Variants in HERC1 observed in about 807,000 individuals in gnomAD.
HERC1 encodes the protein probable E3 ubiquitin-protein ligase HERC1.
HERC1 carries 160 observed loss-of-function variants against 554.3 expected under a neutral mutation model. The ratio of observed to expected loss-of-function variants is 0.29; its 90% CI spans 0.25 to 0.33. The LOEUF (loss-of-function observed/expected upper bound fraction) is 0.33. Among genes scored for constraint, HERC1 ranks in the 10% least tolerant of loss-of-function variants. HERC1 has a pLI of 1.00. For missense variants in HERC1, 4,919 were observed against 5,918.5 expected, an observed-to-expected ratio of 0.83 and a Z score of 5.54; for synonymous variants, 2,175 against 2,131.7, an observed-to-expected ratio of 1.02 and a Z score of -0.56.
rs747921467 is a variant in HERC1 at position 63,756,617 on chromosome 15, G to A, written c.1353C>T (p.Phe451=). ...NNQSTLKKLT[F]EPHRSIKKVS... The stretch of plus-strand genomic sequence containing the variant: ...CCTTTTTAATGGATCTGTGAGGCTC[G>A]AATGTTAACTTTTTTAAAGTTGACT... Residue 451 remains phenylalanine, a synonymous_variant, in exon 5 of 78, where the codon TTC becomes TTT. Transcript: ENST00000443617. This position sits in a 1 kb window ranked among gnomAD's most constrained non-coding sequence, Gnocchi z 5.0. 8.1e-6 allele frequency: 13 copies of A among 1,613,672 alleles called. No individual in the cohort carries two copies. Among genetic ancestry groups the A allele is most frequent in the South Asian group, 5.5e-5 (5 of 91,048 alleles).
In HERC1 at chr15:63,775,251, C is replaced by T; in HGVS notation, c.373G>A (p.Gly125Ser). ...YALSNKYHDKGKVKQQQHSPE... is the reference protein window; with the variant it reads ...YALSNKYHDKSKVKQQQHSPE... ...GAATGCTGCTGCTGCTTCACCTTGC[C>T]TTTGTCATGGTATTTATTAGAAAGT... The change falls in exon 2 of 78, where the codon GGC becomes AGC. Residue 125 changes from glycine (G) to serine (S), a missense_variant. Physicochemically the swap from Gly to Ser is moderately conservative, Grantham distance 56 (BLOSUM62 0). Coordinates refer to ENST00000443617, the MANE Select transcript of HERC1 (RefSeq NM_003922.4). This position sits in a 1 kb window ranked among gnomAD's most constrained non-coding sequence, Gnocchi z 4.0. The T allele has an allele frequency of 6.2e-7, 1 of 1,614,008 alleles. No individual in the cohort carries two copies. The highest frequency in any genetic ancestry group is 8.5e-7 in the Non-Finnish European group (1 of 1,179,896).
At chr15:63,624,014 T>A in intron 72 of HERC1, 124 bp from the exon 73 acceptor site, 2 of 1,253,472 alleles carry the variant, frequency 1.6e-6, no homozygotes, top group Non-Finnish European at 2.3e-6. Flanking sequence ...CTAGGCCCAC[T>A]GTAACCACAC....
chr15:63,692,362 T>C lies in HERC1; in HGVS notation c.5830+49A>G. The stretch of plus-strand genomic sequence containing the variant: ...AAAGTCTGGCATTATCTTAATAAAA[T>C]GCAAGTAATATCTATAAATACTCTA... On this transcript the variant is annotated intron_variant, in intron 31 of 77. Transcript: ENST00000443617. This position sits in a 1 kb window ranked among gnomAD's most constrained non-coding sequence, Gnocchi z 4.7. 7.1e-7 allele frequency: 1 copy of C among 1,409,086 alleles called. No homozygotes were observed. The highest frequency in any genetic ancestry group is 9.5e-7 in the Non-Finnish European group (1 of 1,049,540). 87.3% of individuals were successfully genotyped at this position (1,409,086 alleles called of 1,614,324 possible).
intron 71 of HERC1, 152 bp downstream of exon 71, chr15:63,625,833 C>T: frequency 2.5e-6 from 2 of 804,218 alleles, no homozygotes; most frequent in South Asian, 2.9e-5. Context: ...GTCCCTAACA[C>T]AGCAATAAAA....
intron 34 of HERC1, among the ~76,000 whole-genome samples, chr15:63,684,129 T>C (rs2071622006): frequency 6.6e-6 from 1 of 152,238 alleles, no homozygotes; most frequent in African/African-American, 2.4e-5. Flanking sequence ...GGGGGCAATA[T>C]ACTTCCAAAC....
chr15:63,627,631 G>A (rs938203657), intron 70 of HERC1, among the ~76,000 whole-genome samples: 8 of 149,634 alleles, frequency 5.3e-5, no homozygotes, highest in Non-Finnish European at 1.0e-4. Context: ...CCGAGATTGC[G>A]CCATTACACT....
chr15:63,645,840 T>C (rs1348345064), intron 55 of HERC1, among the ~76,000 whole-genome samples, 158 bp from the exon 56 acceptor site: 1 of 152,262 alleles, frequency 6.6e-6, no homozygotes, highest in Non-Finnish European at 1.5e-5. Context: ...TGCCATATCA[T>C]TCCCAATCAC....
intron 1 of HERC1, among the ~76,000 whole-genome samples, chr15:63,823,647 C>T (rs923551599): frequency 6.6e-6 from 1 of 152,152 alleles, no homozygotes; most frequent in Non-Finnish European, 1.5e-5. Context: ...ATAACTAGTG[C>T]CATCCTACAT....
chr15:63,658,589 A>T lies in HERC1; in HGVS notation c.9554T>A (p.Leu3185Gln), dbSNP rs1459925729. The T allele has an allele frequency of 6.2e-7, 1 of 1,613,728 alleles. No individual in the cohort carries two copies. The highest frequency in any genetic ancestry group is 1.3e-5 in the African/African-American group (1 of 74,942). The change falls in exon 48 of 78, where the codon CTG (leucine) becomes CAG (glutamine). Residue 3185 changes from leucine to glutamine, a missense_variant. By Grantham distance (113) the Leu-to-Gln change is moderately radical. Coordinates refer to ENST00000443617, the MANE Select transcript of HERC1 (RefSeq NM_003922.4). ...CGCTCTCATGACCATGGTTCTGGCCAGAAGAACCTGAGCAGCAGCAGTCAC... is the reference window on the plus strand; with the variant it reads ...CGCTCTCATGACCATGGTTCTGGCCTGAAGAACCTGAGCAGCAGCAGTCAC... ...RRVTAAAQVL[L>Q]ARTMVMRALS... is the part of the protein sequence containing the mutation.
In HERC1 at chr15:63,764,103, A is replaced by G; in HGVS notation, c.1019T>C (p.Phe340Ser). Reference protein sequence around the residue: ...CSLYEAALCLFEEVCRMASDY... With the variant: ...CSLYEAALCLSEEVCRMASDY... ...GCCACGATTATTACGTACCTCTTCA[A>G]AGAGACATAATGCTGCCTCGTAAAG... Residue 340 changes from phenylalanine to serine, a missense_variant, in exon 3 of 78, where the codon TTT (phenylalanine) becomes TCT (serine). Transcript: ENST00000443617. 1 of 1,604,994 alleles carries G rather than the reference A, an allele frequency of 6.2e-7. No homozygotes were observed. Among genetic ancestry groups the G allele is most frequent in the Middle Eastern group, 1.7e-4 (1 of 6,054 alleles).
At chr15:63,634,680 GAAGA>G in intron 66 of HERC1, 49 bp downstream of exon 66, 2 of 1,504,018 alleles carry the variant, frequency 1.3e-6, no homozygotes, top group Non-Finnish European at 1.8e-6. Flanking sequence ...AGCGAACACA[GAAGA>G]AATGAGAAAC....
intron 34 of HERC1, 101 bp downstream of exon 34, chr15:63,686,258 A>G: frequency 1.2e-6 from 1 of 816,444 alleles, no homozygotes; most frequent in Non-Finnish European, 1.9e-6. Context: ...ACATTTACAT[A>G]TCACGATTTT....
chr15:63,747,939 A>G (rs2075114290), intron 10 of HERC1, 81 bp from the exon 11 acceptor site: 3 of 1,392,374 alleles, frequency 2.2e-6, no homozygotes, highest in Non-Finnish European at 2.9e-6. Flanking sequence ...ATTAAAACAT[A>G]TATTGGCTGG....
chr15:63,618,318 T>A (rs1302888542), intron 74 of HERC1, among the ~76,000 whole-genome samples: 1 of 152,226 alleles, frequency 6.6e-6, no homozygotes, highest in Non-Finnish European at 1.5e-5. Flanking sequence ...GTTGTAGATA[T>A]GCGGCATTAT....
rs2075696251 is a variant in HERC1 at position 63,764,088 on chromosome 15, T to C, written c.1026+8A>G. 1.3e-6 allele frequency: 2 copies of C among 1,585,872 alleles called. No homozygotes were observed. Among genetic ancestry groups the C allele is most frequent in the Non-Finnish European group, 1.7e-6 (2 of 1,159,744 alleles). On this transcript the variant is annotated splice_region_variant and intron_variant, in intron 3 of 77. Coordinates refer to ENST00000443617, the MANE Select transcript of HERC1 (RefSeq NM_003922.4). ...GTTGTTAATACAAAAGCCACGATTATTACGTACCTCTTCAAAGAGACATAA... is the reference window on the plus strand; with the variant it reads ...GTTGTTAATACAAAAGCCACGATTACTACGTACCTCTTCAAAGAGACATAA...
intron 68 of HERC1, chr15:63,632,345 G>A: frequency 3.8e-6 from 1 of 264,230 alleles, no homozygotes; most frequent in Non-Finnish European, 7.4e-6. Context: ...CCTAAGATCT[G>A]CAGCCCCAGT....
chr15:63,696,186 C>A lies in HERC1; in HGVS notation c.5059G>T (p.Gly1687Cys). ...CCTGTGTGTCCAACAGTGCCTAAAC[C>A]AAAACACCCTGCTAGGAACTGCAGC... The part of the protein sequence containing the change: ...VRLQFLAGCF[G>C]LGTVGHTGGK... Residue 1687 changes from glycine to cysteine, a missense_variant, in exon 27 of 78, where the codon GGT (glycine) becomes TGT (cysteine). This residue lies in a region of HERC1 where 1,121 missense variants were observed against 1,244.0 expected (regional missense o/e 0.90). Transcript: ENST00000443617. 6.2e-7 allele frequency: 1 copy of A among 1,613,668 alleles called. No homozygotes were observed. Among genetic ancestry groups the A allele is most frequent in the South Asian group, 1.1e-5 (1 of 90,972 alleles).
chr15:63,655,455 TAAAAC>T (rs938348721), intron 50 of HERC1, among the ~76,000 whole-genome samples: 25 of 152,192 alleles, frequency 1.6e-4, no homozygotes, highest in African/African-American at 5.8e-4. Context: ...GTTATAATCT[TAAAAC>T]AAAGAGAAAA....
chr15:63,657,773 G>C (rs1354647014), intron 48 of HERC1, among the ~76,000 whole-genome samples: 2 of 151,808 alleles, frequency 1.3e-5, no homozygotes, highest in South Asian at 2.1e-4. Context: ...TTTATATTTA[G>C]ATCTAATAGC....
Sources: allele counts gnomAD v4.1 joint callset (sites outside exome capture counted in the v4.1 genomes callset), GRCh38; gene constraint gnomAD v4.1.1; regional missense constraint gnomAD v4.1.1; non-coding constraint Gnocchi (gnomAD v3.1); transcripts MANE v1.5; gene names NCBI Gene and HGNC (gene_info 2026-07-23, HGNC 2026-07-21).